Variants in TRAF3IP1 observed in about 807,000 individuals in gnomAD.
TRAF3IP1 encodes the protein intraflagellar transport 54, also known as TRAF3-interacting protein 1.
Under a neutral mutation model 89.9 loss-of-function variants are expected in TRAF3IP1, and 53 were observed. The observed-to-expected ratio is 0.59, with a 90% confidence interval of 0.47 to 0.74. TRAF3IP1 has a LOEUF of 0.74. Ranked by LOEUF, TRAF3IP1 falls within the 30% of genes least tolerant of loss-of-function variation. The pLI is 0.00. For missense variants in TRAF3IP1, 806 were observed against 866.1 expected (o/e 0.93, Z 0.87); for synonymous variants, 311 against 322.1 (o/e 0.97, Z 0.37).
intron 5 of TRAF3IP1, among the ~76,000 whole-genome samples, chr2:238,331,785 C>T (rs1004165181): frequency 4.6e-5 from 7 of 152,162 alleles, no homozygotes; most frequent in Admixed American, 1.3e-4. Context: ...AGGCGCCTCC[C>T]GAGGAACCCC....
At position 238,367,163 on chromosome 2, in the gene TRAF3IP1, C is replaced by CAAAAAAAAAAAAA. The variant is rs33964253; in HGVS notation, c.1689+11097_1689+11109dup. Reference sequence around the variant, plus strand: ...TGGGTGACAAAGCAAGACTCTGTCTCAAAAAAAAAAAAAAAAAAAAAAAAA... The same window carrying CAAAAAAAAAAAAA: ...TGGGTGACAAAGCAAGACTCTGTCTCAAAAAAAAAAAAAAAAAAAAAAAAAAAAAAAAAAAAAA... On this transcript the variant is annotated intron_variant, in intron 15 of 16. Coordinates refer to ENST00000373327, the MANE Select transcript of TRAF3IP1 (RefSeq NM_015650.4). Among the ~76,000 whole-genome samples, 13 of 36,156 alleles carry CAAAAAAAAAAAAA rather than the reference C, an allele frequency of 3.6e-4. 2 individuals are homozygous for CAAAAAAAAAAAAA. The highest frequency in any genetic ancestry group is 2.1e-3 in the South Asian group (1 of 468). The allele number at this position is 36,156 out of a possible 152,430, so 23.7% of individuals were successfully genotyped here. A position where few individuals can be genotyped will look rare whatever the true frequency, so the allele number is the denominator to read the frequency against.
chr2:238,366,765 A>T (rs1174609484), intron 15 of TRAF3IP1, among the ~76,000 whole-genome samples: 2 of 152,092 alleles, frequency 1.3e-5, no homozygotes, highest in African/African-American at 4.8e-5. Context: ...CCTGCCTTGG[A>T]TGTCAATTCA....
chr2:238,366,442 G>GA (rs1013240295), intron 15 of TRAF3IP1, among the ~76,000 whole-genome samples: 86 of 149,540 alleles, frequency 5.8e-4, no homozygotes, highest in African/African-American at 1.6e-3. Context: ...TTCTTTACCT[G>GA]AAAAAAAAAT....
rs1001202790 is a variant in TRAF3IP1 at position 238,345,217 on chromosome 2, A to G, written c.1261+619A>G. 2.6e-5 allele frequency among the ~76,000 whole-genome samples: 4 copies of G among 152,166 alleles called. No individual in the cohort carries two copies. The highest frequency in any genetic ancestry group is 4.4e-5 in the Non-Finnish European group (3 of 68,030). Reference sequence around the variant, plus strand: ...TGTTTGTTGATTTGTTCAAACAGAAAATTATCTGTTGAAGGCCTACTGCAT... The same window carrying G: ...TGTTTGTTGATTTGTTCAAACAGAAGATTATCTGTTGAAGGCCTACTGCAT... On this transcript the variant is annotated intron_variant, in intron 9 of 16. Transcript: ENST00000373327. This position sits in a 1 kb window ranked among gnomAD's most constrained non-coding sequence, Gnocchi z 4.7.
At chr2:238,359,936 A>C (rs1032797894) in intron 15 of TRAF3IP1, among the ~76,000 whole-genome samples, 7 of 152,160 alleles carry the variant, frequency 4.6e-5, no homozygotes, top group African/African-American at 1.7e-4. Flanking sequence ...ATATGTCAGC[A>C]CCACTCCCTT....
At chr2:238,372,096 A>C (rs574771571) in intron 15 of TRAF3IP1, among the ~76,000 whole-genome samples, 18 of 152,312 alleles carry the variant, frequency 1.2e-4, no homozygotes, top group Non-Finnish European at 2.2e-4. Context: ...ATCACATTAA[A>C]GTAACATTCA....
At chr2:238,377,140 T>TA (rs1700349101) in intron 15 of TRAF3IP1, among the ~76,000 whole-genome samples, 1 of 152,094 alleles carries the variant, frequency 6.6e-6, no homozygotes. Flanking sequence ...AATTCCCTCT[T>TA]ACTGTTGCAT....
At chr2:238,373,644 G>A (rs374292154) in intron 15 of TRAF3IP1, among the ~76,000 whole-genome samples, 3 of 152,084 alleles carry the variant, frequency 2.0e-5, no homozygotes, top group African/African-American at 4.8e-5. Flanking sequence ...ATGAACTTTA[G>A]AGTAGTTTTT....
intron 14 of TRAF3IP1, 51 bp from the exon 15 acceptor site, chr2:238,355,949 AGGTT>A: frequency 7.5e-7 from 1 of 1,328,360 alleles, no homozygotes; most frequent in Non-Finnish European, 1.1e-6. Context: ...CATTTAGAAT[AGGTT>A]TTTGGGATAG....
At chr2:238,371,740 A>G (rs1335221971) in intron 15 of TRAF3IP1, among the ~76,000 whole-genome samples, 1 of 152,262 alleles carries the variant, frequency 6.6e-6, no homozygotes, top group Admixed American at 6.5e-5. Flanking sequence ...AAGAATATAA[A>G]CTATCTCATT....
chr2:238,331,939 A>G (rs1698147076), intron 5 of TRAF3IP1, among the ~76,000 whole-genome samples: 3 of 152,166 alleles, frequency 2.0e-5, no homozygotes, highest in Admixed American at 2.0e-4. Flanking sequence ...AGGCTACCTC[A>G]TGGGCTTTTG....
rs555267463 is a variant in TRAF3IP1, at chr2:238,331,872, A to G, written c.916-952A>G. Among the ~76,000 whole-genome samples the G allele has an allele frequency of 8.5e-5, 13 of 152,308 alleles. No homozygotes were observed. In the South Asian group the frequency reaches 1.7e-3, roughly 19 times the overall value. The stretch of plus-strand genomic sequence containing the variant: ...TTCTAACCCCGGTTCTGCCTCAGTC[A>G]TTCTTTGTCCTCTTCCCCATTTTAT... On this transcript the variant is annotated intron_variant, in intron 5 of 16. Transcript: ENST00000373327.
In TRAF3IP1 at chr2:238,386,434, T is replaced by A. The variant is rs569304543; in HGVS notation, c.1690-11025T>A. 2.0e-5 allele frequency among the ~76,000 whole-genome samples: 3 copies of A among 152,308 alleles called. No individual in the cohort carries two copies. In the East Asian group the frequency reaches 5.8e-4, roughly 29 times the overall value. On this transcript the variant is annotated intron_variant, in intron 15 of 16. Transcript: ENST00000373327. ...TTCAAGCGATTCTCCTGCCTCAGCC[T>A]CCCAAGTAGCTGGGACTACAGGTGT...
At chr2:238,342,657 A>T (rs1391124355) in intron 8 of TRAF3IP1, among the ~76,000 whole-genome samples, 1 of 152,176 alleles carries the variant, frequency 6.6e-6, no homozygotes, top group African/African-American at 2.4e-5. Flanking sequence ...AAAGTTGAGC[A>T]TCTACAACCG....
At chr2:238,341,768 G>GGGGCAAACT (rs1698671225) in intron 8 of TRAF3IP1, among the ~76,000 whole-genome samples, 2 of 152,132 alleles carry the variant, frequency 1.3e-5, no homozygotes, top group Admixed American at 1.3e-4. Context: ...TCTGTGAGGC[G>GGGGCAAACT]GGGCAAACTG....
At chr2:238,340,088 A>G (rs1226991364) in intron 8 of TRAF3IP1, among the ~76,000 whole-genome samples, 2 of 152,088 alleles carry the variant, frequency 1.3e-5, no homozygotes, top group African/African-American at 2.4e-5. Context: ...GGCCAGGAGC[A>G]GAGTCTGGGC....
chr2:238,377,147 G>T (rs1038556950), intron 15 of TRAF3IP1, among the ~76,000 whole-genome samples: 1 of 151,164 alleles, frequency 6.6e-6, no homozygotes, highest in Non-Finnish European at 1.5e-5. Context: ...TCTTACTGTT[G>T]CATTTCTGTG....
intron 3 of TRAF3IP1, among the ~76,000 whole-genome samples, 169 bp downstream of exon 3, chr2:238,326,139 A>G (rs1485506613): frequency 6.6e-6 from 1 of 152,246 alleles, no homozygotes; most frequent in Non-Finnish European, 1.5e-5. Context: ...AGAGATACAG[A>G]AGGAGTAATT....
At chr2:238,344,884 C>T (rs1227715989) in intron 9 of TRAF3IP1, among the ~76,000 whole-genome samples, 2 of 152,128 alleles carry the variant, frequency 1.3e-5, no homozygotes, top group African/African-American at 4.8e-5. Flanking sequence ...TGAAAAGTTT[C>T]GGGGTCACTA....
Sources: allele counts gnomAD v4.1 joint callset (sites outside exome capture counted in the v4.1 genomes callset), GRCh38; gene constraint gnomAD v4.1.1; non-coding constraint Gnocchi (gnomAD v3.1); transcripts MANE v1.5; gene names NCBI Gene and HGNC (gene_info 2026-07-23, HGNC 2026-07-21).